The following RIC1 variants were observed in gnomAD, a reference collection of about 807,000 sequenced individuals.
RIC1 encodes RIC1 partner of RAB6A GEF complex.
Under a neutral mutation model 169.0 loss-of-function variants are expected in RIC1, and 88 were observed. That is an observed-to-expected ratio of 0.52 (90% CI 0.44 to 0.62). RIC1 has a LOEUF of 0.62. Ranked by LOEUF, RIC1 falls within the 20% of genes least tolerant of loss-of-function variation. RIC1 has a pLI of 0.00. For missense variants in RIC1, 1,877 were observed against 1,725.5 expected (o/e 1.09, Z -1.56); for synonymous variants, 790 against 601.5 (o/e 1.31, Z -4.59).
chr9:5,669,564 A>G (rs746782970), intron 2 of RIC1, among the ~76,000 whole-genome samples: 3 of 152,220 alleles, frequency 2.0e-5, no homozygotes, highest in Non-Finnish European at 4.4e-5. Flanking sequence ...CATCTTGCCC[A>G]TATGACATCA....
At chr9:5,663,014 A>C (rs1283419969) in intron 2 of RIC1, among the ~76,000 whole-genome samples, 1 of 152,158 alleles carries the variant, frequency 6.6e-6, no homozygotes, top group Non-Finnish European at 1.5e-5. Context: ...CATCCCAGAG[A>C]TTCTGGTACA....
chr9:5,663,627 C>T (rs1215741816), intron 2 of RIC1, among the ~76,000 whole-genome samples: 4 of 152,240 alleles, frequency 2.6e-5, no homozygotes, highest in South Asian at 2.1e-4. Context: ...AAACTAGGAT[C>T]GCAGTCCGTG....
chr9:5,669,927 T>C (rs1161656356), intron 2 of RIC1, among the ~76,000 whole-genome samples: 1 of 152,128 alleles, frequency 6.6e-6, no homozygotes, highest in African/African-American at 2.4e-5. Context: ...TAATCAGATA[T>C]CAAGTGTGGG....
intron 2 of RIC1, among the ~76,000 whole-genome samples, chr9:5,681,429 C>G (rs1049799957): frequency 6.6e-6 from 1 of 152,044 alleles, no homozygotes; most frequent in African/African-American, 2.4e-5. Context: ...GCAGGTTGTT[C>G]AGTGTCCATG....
chr9:5,636,398 C>T (rs1228588042), intron 1 of RIC1, among the ~76,000 whole-genome samples: 1 of 152,172 alleles, frequency 6.6e-6, no homozygotes, highest in Non-Finnish European at 1.5e-5. Flanking sequence ...CAACTCACTG[C>T]AGCCTCTGCC....
chr9:5,739,077 T>C (rs67149647), intron 8 of RIC1, among the ~76,000 whole-genome samples: 2,997 of 152,256 alleles, frequency 0.02, 34 homozygotes, highest in Non-Finnish European at 0.025. Context: ...ATGTAGCTGC[T>C]GCCCTTGTAA....
intron 2 of RIC1, among the ~76,000 whole-genome samples, chr9:5,677,473 C>T (rs926051069): frequency 3.9e-5 from 6 of 152,136 alleles, no homozygotes; most frequent in Non-Finnish European, 8.8e-5. Flanking sequence ...ATATCTTTTG[C>T]ACCTTTGTCA....
intron 1 of RIC1, among the ~76,000 whole-genome samples, chr9:5,641,185 G>A (rs574905268): frequency 2.0e-5 from 3 of 151,050 alleles, no homozygotes; most frequent in South Asian, 2.1e-4. Context: ...TCTGCCTCCT[G>A]GGTTCACGCC....
rs540521764 is a variant in RIC1, at chr9:5,682,277, G to A, written c.253-7682G>A. Among the ~76,000 whole-genome samples, 15 of 152,330 alleles carry A rather than the reference G, an allele frequency of 9.8e-5. No individual in the cohort carries two copies. The South Asian group carries it at 1.9e-3, about 19-fold the overall frequency. ...CTTGATGGTCTTTACAATTTGGCAT[G>A]TTTTTGCAGTGGCTGGTACCAGTTT... is the stretch of plus-strand genomic sequence containing the variant. On this transcript the variant is annotated intron_variant, in intron 2 of 25. Coordinates refer to ENST00000414202, the MANE Select transcript of RIC1 (RefSeq NM_020829.4).
chr9:5,731,674 A>G (rs912214351), intron 6 of RIC1, among the ~76,000 whole-genome samples: 8 of 152,184 alleles, frequency 5.3e-5, no homozygotes, highest in African/African-American at 1.9e-4. Flanking sequence ...TGGCATATGG[A>G]AATAGCATAT....
intron 16 of RIC1, 45 bp downstream of exon 16, chr9:5,756,417 C>CA (rs781160566): frequency 1.6e-6 from 2 of 1,254,216 alleles, no homozygotes; most frequent in Non-Finnish European, 2.1e-6. Flanking sequence ...TCCTATTTAC[C>CA]ACGTTTCTCT....
intron 3 of RIC1, among the ~76,000 whole-genome samples, chr9:5,708,910 C>T (rs996011699): frequency 6.6e-6 from 1 of 151,830 alleles, no homozygotes; most frequent in African/African-American, 2.4e-5. Flanking sequence ...TAAACTGGGT[C>T]TATTTTTTTT....
At chr9:5,656,131 A>G (rs1400548746) in intron 1 of RIC1, among the ~76,000 whole-genome samples, 1 of 152,066 alleles carries the variant, frequency 6.6e-6, no homozygotes, top group African/African-American at 2.4e-5. Context: ...TGGCCTCCCA[A>G]AGTGCTGGGA....
intron 1 of RIC1, among the ~76,000 whole-genome samples, chr9:5,632,357 A>G (rs1403688426): frequency 6.6e-6 from 1 of 152,208 alleles, no homozygotes; most frequent in Non-Finnish European, 1.5e-5. Flanking sequence ...CTAACTGTAC[A>G]TTATATGGGT....
chr9:5,723,990 C>A (rs556742282), intron 6 of RIC1, among the ~76,000 whole-genome samples: 1 of 151,944 alleles, frequency 6.6e-6, no homozygotes, highest in East Asian at 1.9e-4. Flanking sequence ...AGTCAGGTAG[C>A]GTGATGCCTC....
intron 19 of RIC1, among the ~76,000 whole-genome samples, chr9:5,764,259 T>G (rs1826533144): frequency 6.6e-6 from 1 of 152,220 alleles, no homozygotes; most frequent in Admixed American, 6.5e-5. Context: ...GAGTTTGAGC[T>G]TCTCACAACA....
At chr9:5,720,839 T>C in intron 6 of RIC1, 89 bp downstream of exon 6, 1 of 1,194,408 alleles carries the variant, frequency 8.4e-7, no homozygotes, top group Non-Finnish European at 1.2e-6. Flanking sequence ...TCATCATTCA[T>C]GTAAGATTTT....
At chr9:5,644,821 T>C (rs79232655) in intron 1 of RIC1, among the ~76,000 whole-genome samples, 2,677 of 151,476 alleles carry the variant, frequency 0.018, 88 homozygotes, top group African/African-American at 0.061. Context: ...GTTTAACTTA[T>C]TGGTAAAGTG....
intron 7 of RIC1, among the ~76,000 whole-genome samples, chr9:5,737,831 AAG>A (rs1350442543): frequency 6.6e-6 from 1 of 151,430 alleles, no homozygotes; most frequent in Non-Finnish European, 1.5e-5. Context: ...ACAATAAAGT[AAG>A]AGAAAAGATT....
Sources: allele counts gnomAD v4.1 joint callset (sites outside exome capture counted in the v4.1 genomes callset), GRCh38; gene constraint gnomAD v4.1.1; transcripts MANE v1.5; gene names NCBI Gene and HGNC (gene_info 2026-07-23, HGNC 2026-07-21).